The following FAM171A1 variants were observed in gnomAD, a reference collection of about 807,000 sequenced individuals.
The protein encoded by FAM171A1 is family with sequence similarity 171 member A1.
In FAM171A1, 23 loss-of-function variants were observed where a neutral mutation model predicts 74.9. The observed-to-expected ratio is 0.31, with a 90% CI of 0.22 to 0.44. The LOEUF is 0.44. FAM171A1 is among the 20% of genes least tolerant of loss of function. FAM171A1 has a pLI of 1.00. For missense variants in FAM171A1, 1,162 were observed against 1,159.2 expected (o/e 1.00, Z -0.03); for synonymous variants, 527 against 505.7 (o/e 1.04, Z -0.57).
intron 3 of FAM171A1, among the ~76,000 whole-genome samples, chr10:15,262,247 G>C (rs574760511): frequency 1.3e-5 from 2 of 152,204 alleles, no homozygotes; most frequent in Non-Finnish European, 2.9e-5. Context: ...ATGGCCATGG[G>C]TGCAGAGTCT....
chr10:15,283,588 T>A (rs1834997121), intron 2 of FAM171A1, among the ~76,000 whole-genome samples: 1 of 152,188 alleles, frequency 6.6e-6, no homozygotes, highest in South Asian at 2.1e-4. Flanking sequence ...ATTTATTTTA[T>A]TTCATTTTAT....
chr10:15,340,656 C>T (rs530039638), intron 1 of FAM171A1, among the ~76,000 whole-genome samples: 22 of 152,290 alleles, frequency 1.4e-4, no homozygotes, highest in Middle Eastern at 3.4e-3. Context: ...CAACCTCCCT[C>T]CTGGAGTTGT....
At position 15,213,744 on chromosome 10, in the gene FAM171A1, T is replaced by G; in HGVS notation, c.1844A>C (p.Gln615Pro). ...GGCATGGGGATTGGACAGCTCAGCC[T>G]GTAGTCTTTCTATCTCAAGCTGCTG... The part of the protein sequence containing the change: ...ADQQLEIERL[Q>P]AELSNPHAGI... The change falls in exon 8 of 8, where the codon CAG (glutamine) becomes CCG (proline). Residue 615 changes from glutamine (Q) to proline (P), a missense_variant. Gln to Pro is a moderately conservative substitution (Grantham distance 76). Transcript: ENST00000378116. The surrounding 1 kb of genome is among the most constrained non-coding windows in gnomAD (Gnocchi z 6.8). 2 of 1,613,864 alleles carry G rather than the reference T, an allele frequency of 1.2e-6. No homozygotes were observed. Among genetic ancestry groups the G allele is most frequent in the Non-Finnish European group, 1.7e-6 (2 of 1,179,848 alleles).
intron 1 of FAM171A1, among the ~76,000 whole-genome samples, chr10:15,308,071 G>A (rs957646535): frequency 1.3e-5 from 2 of 152,120 alleles, no homozygotes; most frequent in African/African-American, 4.8e-5. Flanking sequence ...GCCTCTCAAA[G>A]TGTTGGGATT....
chr10:15,218,320 T>A (rs887091503), intron 6 of FAM171A1, among the ~76,000 whole-genome samples: 14 of 151,800 alleles, frequency 9.2e-5, no homozygotes, highest in Admixed American at 7.9e-4. Flanking sequence ...ACCTCATGAT[T>A]CGCCCACTTT....
chr10:15,359,938 T>G (rs900005363), intron 1 of FAM171A1, among the ~76,000 whole-genome samples: 49 of 152,094 alleles, frequency 3.2e-4, no homozygotes, highest in African/African-American at 1.1e-3. Flanking sequence ...GTTTGTTTGT[T>G]TGTTTGTTTG....
chr10:15,370,725 C>T (rs1369372606), intron 1 of FAM171A1, among the ~76,000 whole-genome samples: 3 of 148,602 alleles, frequency 2.0e-5, no homozygotes, highest in African/African-American at 7.4e-5. Flanking sequence ...CCCGACCCAG[C>T]CCCCGATCCC....
At chr10:15,226,254 T>C (rs1834105881) in intron 5 of FAM171A1, among the ~76,000 whole-genome samples, 1 of 152,174 alleles carries the variant, frequency 6.6e-6, no homozygotes, top group Admixed American at 6.5e-5. Flanking sequence ...GACAATGACA[T>C]GTGCCTCTCT....
intron 1 of FAM171A1, among the ~76,000 whole-genome samples, chr10:15,312,335 C>T (rs1430693521): frequency 2.6e-5 from 4 of 152,350 alleles, no homozygotes; most frequent in East Asian, 1.9e-4. Context: ...GTTGCTTACT[C>T]GCTGCTGAAC....
intron 1 of FAM171A1, among the ~76,000 whole-genome samples, chr10:15,292,694 C>A (rs1014149696): frequency 6.6e-6 from 1 of 152,020 alleles, no homozygotes; most frequent in African/African-American, 2.4e-5. Flanking sequence ...CCACATTGCC[C>A]GGGCTGGTCT....
At chr10:15,354,995 T>C (rs7071014) in intron 1 of FAM171A1, among the ~76,000 whole-genome samples, 42 of 152,340 alleles carry the variant, frequency 2.8e-4, no homozygotes, top group African/African-American at 8.9e-4. Flanking sequence ...TGAGAATACT[T>C]TGAAGAAATG....
intron 1 of FAM171A1, among the ~76,000 whole-genome samples, chr10:15,338,069 C>T (rs1001555296): frequency 3.9e-5 from 6 of 152,166 alleles, no homozygotes; most frequent in African/African-American, 1.4e-4. Flanking sequence ...CTACAAATGG[C>T]CCAATTAAAC....
chr10:15,237,097 G>C (rs922438323), intron 5 of FAM171A1, among the ~76,000 whole-genome samples: 2 of 152,188 alleles, frequency 1.3e-5, no homozygotes, highest in Non-Finnish European at 2.9e-5. Context: ...TGAGGCTCCT[G>C]GGTGATGGGG....
At position 15,212,656 on chromosome 10, in the gene FAM171A1, C is replaced by A. The variant is rs971595765; in HGVS notation, c.*259G>T. On this transcript the variant is annotated 3_prime_UTR_variant, in exon 8 of 8. Coordinates refer to ENST00000378116, the MANE Select transcript of FAM171A1 (RefSeq NM_001010924.2). ...CTTAATGTCCCTGGTGGCGGATACG[C>A]CGAGTCCTCGGAAGGACATCTGGAC... The A allele has an allele frequency of 3.8e-6, 2 of 528,736 alleles. No individual in the cohort carries two copies. Among genetic ancestry groups the A allele is most frequent in the Non-Finnish European group, 6.6e-6 (2 of 301,228 alleles). The allele number at this position is 528,736 out of a possible 1,614,324, so 32.8% of individuals were successfully genotyped here.
chr10:15,337,171 G>A (rs1028324997), intron 1 of FAM171A1, among the ~76,000 whole-genome samples: 5 of 151,882 alleles, frequency 3.3e-5, no homozygotes, highest in East Asian at 1.9e-4. Flanking sequence ...GTGAGCCACC[G>A]AACCTGGCTG....
intron 1 of FAM171A1, among the ~76,000 whole-genome samples, chr10:15,290,495 G>T (rs1157166478): frequency 6.6e-6 from 1 of 152,152 alleles, no homozygotes; most frequent in Non-Finnish European, 1.5e-5. Context: ...CAGACACATG[G>T]TCTCTGTTTC....
At chr10:15,267,070 T>C (rs1335220204) in intron 3 of FAM171A1, among the ~76,000 whole-genome samples, 1 of 152,058 alleles carries the variant, frequency 6.6e-6, no homozygotes, top group Non-Finnish European at 1.5e-5. Flanking sequence ...AGTTAGAAAG[T>C]CTAGCTTCTC....
intron 1 of FAM171A1, among the ~76,000 whole-genome samples, chr10:15,290,669 AG>A (rs1835091963): frequency 6.6e-6 from 1 of 152,150 alleles, no homozygotes; most frequent in Non-Finnish European, 1.5e-5. Context: ...GGGTGACACA[AG>A]GCAGAACGGG....
At chr10:15,275,486 G>A (rs1834881918) in intron 3 of FAM171A1, among the ~76,000 whole-genome samples, 2 of 151,026 alleles carry the variant, frequency 1.3e-5, no homozygotes, top group Admixed American at 6.6e-5. Flanking sequence ...TAGTAGAGAT[G>A]GGGTTTCATC....
Sources: allele counts gnomAD v4.1 joint callset (sites outside exome capture counted in the v4.1 genomes callset), GRCh38; gene constraint gnomAD v4.1.1; non-coding constraint Gnocchi (gnomAD v3.1); transcripts MANE v1.5; gene names NCBI Gene and HGNC (gene_info 2026-07-23, HGNC 2026-07-21).